The following KIAA0319L variants were observed in gnomAD, a reference collection of about 807,000 sequenced individuals.
KIAA0319L encodes dyslexia-associated protein KIAA0319-like protein.
Under a neutral mutation model 120.1 loss-of-function variants are expected in KIAA0319L, and 55 were observed. The observed-to-expected ratio is 0.46, with a 90% CI of 0.37 to 0.57. The LOEUF (loss-of-function observed/expected upper bound fraction) is 0.57, where lower values mean the gene tolerates loss of function less well. Ranked by LOEUF, KIAA0319L falls within the 20% of genes least tolerant of loss-of-function variation. The pLI is 0.00. For synonymous variants in KIAA0319L, 398 were observed against 471.9 expected (o/e 0.84, Z 2.03); for missense variants, 1,049 against 1,255.3 (o/e 0.84, Z 2.48).
chr1:35,500,961 C>T (rs560352845), intron 3 of KIAA0319L, among the ~76,000 whole-genome samples: 1 of 151,410 alleles, frequency 6.6e-6, no homozygotes, highest in South Asian at 2.1e-4. Context: ...TTTAGCAATA[C>T]TTGCAGTTCT....
chr1:35,479,275 C>A, intron 3 of KIAA0319L, 63 bp from the exon 4 acceptor site: 1 of 1,364,716 alleles, frequency 7.3e-7, no homozygotes, highest in South Asian at 1.3e-5. Context: ...GGTTATGTCT[C>A]ATGAAACAAT....
intron 20 of KIAA0319L, chr1:35,439,529 G>A (rs1641046191): frequency 6.6e-6 from 1 of 152,246 alleles, no homozygotes; most frequent in African/African-American, 2.4e-5. Flanking sequence ...CTGATGGGTG[G>A]GGAGACAGGC....
intron 3 of KIAA0319L, among the ~76,000 whole-genome samples, chr1:35,499,779 G>GT (rs1168927826): frequency 7.3e-5 from 10 of 137,830 alleles, no homozygotes; most frequent in Non-Finnish European, 1.6e-4. Context: ...GTAAAAACAA[G>GT]TAAAAAAAAA....
At chr1:35,517,764 T>G (rs1234979552) in intron 2 of KIAA0319L, among the ~76,000 whole-genome samples, 1 of 152,098 alleles carries the variant, frequency 6.6e-6, no homozygotes, top group Non-Finnish European at 1.5e-5. Context: ...CAAAAGAAAC[T>G]ATCAACAGAG....
intron 1 of KIAA0319L, among the ~76,000 whole-genome samples, chr1:35,555,267 T>C (rs776838114): frequency 2.6e-5 from 4 of 152,186 alleles, no homozygotes; most frequent in African/African-American, 9.7e-5. Flanking sequence ...ATTATGAGGG[T>C]TGACTGAGTT....
chr1:35,489,954 C>T (rs1000139899), intron 3 of KIAA0319L, among the ~76,000 whole-genome samples: 1 of 151,754 alleles, frequency 6.6e-6, no homozygotes, highest in African/African-American at 2.4e-5. Flanking sequence ...GCATGAGCCA[C>T]CATGCCTGGC....
intron 5 of KIAA0319L, among the ~76,000 whole-genome samples, 165 bp from the exon 6 acceptor site, chr1:35,471,125 G>A (rs1318908701): frequency 1.3e-5 from 2 of 152,134 alleles, no homozygotes; most frequent in Admixed American, 6.5e-5. Flanking sequence ...CTGAAAGAAA[G>A]AGCGAATGCT....
At chr1:35,537,634 A>C (rs926352620) in intron 2 of KIAA0319L, among the ~76,000 whole-genome samples, 4 of 150,752 alleles carry the variant, frequency 2.7e-5, no homozygotes, top group Non-Finnish European at 5.9e-5. Context: ...AAAAAAAAAA[A>C]AAACTGCAGT....
chr1:35,528,385 A>G (rs917533578), intron 2 of KIAA0319L, among the ~76,000 whole-genome samples: 2 of 152,176 alleles, frequency 1.3e-5, no homozygotes, highest in South Asian at 2.1e-4. Flanking sequence ...CATTGATCCA[A>G]TGGTCACTCA....
At position 35,453,160 on chromosome 1, in the gene KIAA0319L, C is replaced by T. The variant is rs1237365636; in HGVS notation, c.1913+397G>A. On this transcript the variant is annotated intron_variant, in intron 12 of 20. Transcript: ENST00000325722. The surrounding 1 kb of genome is among the most constrained non-coding windows in gnomAD (Gnocchi z 4.1). ...TGCTTTCATTTTATGGATGTATTTT[C>T]AATTTCTCTTAATAGCTGCTCTGCC... Among the ~76,000 whole-genome samples, 2 of 152,148 alleles carry T rather than the reference C, an allele frequency of 1.3e-5. No homozygotes were observed. Among genetic ancestry groups the T allele is most frequent in the Admixed American group, 1.3e-4 (2 of 15,266 alleles).
chr1:35,461,453 C>T (rs990528189), intron 8 of KIAA0319L, among the ~76,000 whole-genome samples: 2 of 151,514 alleles, frequency 1.3e-5, no homozygotes, highest in Admixed American at 6.6e-5. Flanking sequence ...GCAAGAAGAG[C>T]GAAACTCTGT....
intron 20 of KIAA0319L, among the ~76,000 whole-genome samples, chr1:35,436,260 C>A (rs1640781691): frequency 6.6e-6 from 1 of 152,212 alleles, no homozygotes. Flanking sequence ...GATGCGCCTG[C>A]CATTCAGGAC....
chr1:35,478,942 A>G, intron 4 of KIAA0319L, 24 bp downstream of exon 4: 4 of 1,606,644 alleles, frequency 2.5e-6, no homozygotes, highest in Non-Finnish European at 3.4e-6. Context: ...TTTTCCTTCT[A>G]TCTCCAAGAG....
At chr1:35,513,558 A>C (rs1483121296) in intron 2 of KIAA0319L, among the ~76,000 whole-genome samples, 2 of 152,082 alleles carry the variant, frequency 1.3e-5, no homozygotes, top group Non-Finnish European at 2.9e-5. Flanking sequence ...TACTGGCTGC[A>C]TTAAGCTATG....
At chr1:35,459,990 G>A (rs146615799) in intron 9 of KIAA0319L, among the ~76,000 whole-genome samples, 141 of 152,276 alleles carry the variant, frequency 9.3e-4, no homozygotes, top group African/African-American at 2.8e-3. Context: ...CTGAGAAGAG[G>A]CAAAGGAAGA....
At chr1:35,500,813 A>C (rs1252731208) in intron 3 of KIAA0319L, among the ~76,000 whole-genome samples, 1 of 152,226 alleles carries the variant, frequency 6.6e-6, no homozygotes, top group East Asian at 1.9e-4. Flanking sequence ...GGCAATTCTC[A>C]ATGCACAAGG....
At chr1:35,544,295 G>A (rs1441814698) in intron 2 of KIAA0319L, among the ~76,000 whole-genome samples, 2 of 150,262 alleles carry the variant, frequency 1.3e-5, no homozygotes, top group African/African-American at 4.9e-5. Flanking sequence ...CTTGAACCCG[G>A]AAGGTGGAAG....
chr1:35,469,474 A>T (rs2149122191), intron 6 of KIAA0319L, among the ~76,000 whole-genome samples: 1 of 152,262 alleles, frequency 6.6e-6, no homozygotes, highest in African/African-American at 2.4e-5. Context: ...AATCCGGCAT[A>T]TAAGGCTTTT....
intron 3 of KIAA0319L, among the ~76,000 whole-genome samples, chr1:35,494,517 G>C (rs567898178): frequency 6.6e-6 from 1 of 151,928 alleles, no homozygotes; most frequent in East Asian, 1.9e-4. Flanking sequence ...GAGTTAGGCC[G>C]GGTGTGGTGG....
Sources: allele counts gnomAD v4.1 joint callset (sites outside exome capture counted in the v4.1 genomes callset), GRCh38; gene constraint gnomAD v4.1.1; non-coding constraint Gnocchi (gnomAD v3.1); transcripts MANE v1.5; gene names NCBI Gene and HGNC (gene_info 2026-07-23, HGNC 2026-07-21).